NCOA7: variants seen among roughly 807,000 people sequenced by gnomAD.
NCOA7 encodes 140 kDa estrogen receptor-associated protein.
A neutral mutation model predicts 104.3 loss-of-function variants in NCOA7; 45 were observed. The observed-to-expected ratio is 0.43, with a 90% CI of 0.34 to 0.55. The LOEUF is 0.55. Among genes scored for constraint, NCOA7 ranks in the 20% least tolerant of loss-of-function variants. The pLI is 0.02. For missense variants in NCOA7, 1,041 were observed against 1,119.7 expected, an observed-to-expected ratio of 0.93 and a Z score of 1.00; for synonymous variants, 398 against 402.3, an observed-to-expected ratio of 0.99 and a Z score of 0.13.
chr6:125,813,612 G>A (rs1187911493), intron 1 of NCOA7, among the ~76,000 whole-genome samples: 2 of 151,722 alleles, frequency 1.3e-5, no homozygotes, highest in South Asian at 2.1e-4. Flanking sequence ...CACCACGCCC[G>A]GCTAATTTTT....
chr6:125,799,948 G>A (rs1162294826), intron 1 of NCOA7, among the ~76,000 whole-genome samples: 2 of 152,142 alleles, frequency 1.3e-5, no homozygotes, highest in Non-Finnish European at 2.9e-5. Flanking sequence ...AAATCAGAAT[G>A]TTATATCATT....
intron 13 of NCOA7, among the ~76,000 whole-genome samples, chr6:125,924,030 A>G (rs958728391): frequency 6.6e-6 from 1 of 152,226 alleles, no homozygotes; most frequent in Non-Finnish European, 1.5e-5. Flanking sequence ...TTTGCTTAAT[A>G]AAGATCCAAG....
intron 10 of NCOA7, among the ~76,000 whole-genome samples, chr6:125,910,662 T>A (rs1258475879): frequency 6.6e-6 from 1 of 152,204 alleles, no homozygotes; most frequent in African/African-American, 2.4e-5. Context: ...TATGTGAAAA[T>A]GACAAGTTGA....
At chr6:125,926,026 A>C (rs1260476155) in intron 13 of NCOA7, among the ~76,000 whole-genome samples, 1 of 152,124 alleles carries the variant, frequency 6.6e-6, no homozygotes, top group East Asian at 1.9e-4. Flanking sequence ...ATTTTAGCTA[A>C]AAGGCCAGGT....
In NCOA7 at chr6:125,929,468, G is replaced by C. The variant is rs1205428371; in HGVS notation, c.*697G>C. ...TTAAGCAGCATATATCTATATATCTGTATGTGGGTATATAGAGATATATGT... is the reference window on the plus strand; with the variant it reads ...TTAAGCAGCATATATCTATATATCTCTATGTGGGTATATAGAGATATATGT... On this transcript the variant is annotated 3_prime_UTR_variant, in exon 16 of 16. Coordinates refer to ENST00000392477, the MANE Select transcript of NCOA7 (RefSeq NM_181782.5). 6.6e-6 allele frequency: 1 copy of C among 151,790 alleles called. No homozygotes were observed. Among genetic ancestry groups the C allele is most frequent in the Non-Finnish European group, 1.5e-5 (1 of 67,954 alleles). 9.4% of individuals were successfully genotyped at this position (151,790 alleles called of 1,614,324 possible). A position where few individuals can be genotyped will look rare whatever the true frequency, so the allele number is the denominator to read the frequency against.
At chr6:125,874,708 T>A (rs1210196971) in intron 3 of NCOA7, among the ~76,000 whole-genome samples, 181 bp from the exon 4 acceptor site, 1 of 152,222 alleles carries the variant, frequency 6.6e-6, no homozygotes, top group Non-Finnish European at 1.5e-5. Context: ...TTAATATTAA[T>A]CATTTATTCA....
At chr6:125,871,843 A>G (rs558929426) in intron 3 of NCOA7, among the ~76,000 whole-genome samples, 7 of 152,216 alleles carry the variant, frequency 4.6e-5, no homozygotes, top group Admixed American at 3.9e-4. Context: ...AAAAAAATGC[A>G]AAAATTAATC....
chr6:125,930,184 C>T lies in NCOA7; in HGVS notation c.*1413C>T, dbSNP rs1490877347. ...ACCAGTCTGGCCAACATGGTGAAAC[C>T]CCATCTCTACTAAAAGTACAAATAT... On this transcript the variant is annotated 3_prime_UTR_variant, in exon 16 of 16. Coordinates refer to ENST00000392477, the MANE Select transcript of NCOA7 (RefSeq NM_181782.5). 2 of 152,068 alleles carry T rather than the reference C, an allele frequency of 1.3e-5. No homozygotes were observed. Among genetic ancestry groups the T allele is most frequent in the African/African-American group, 4.8e-5 (2 of 41,386 alleles). The allele number at this position is 152,068 out of a possible 1,614,324, so 9.4% of individuals were successfully genotyped here. A position where few individuals can be genotyped will look rare whatever the true frequency, so the allele number is the denominator to read the frequency against.
chr6:125,906,176 G>A (rs1407053329), intron 10 of NCOA7, among the ~76,000 whole-genome samples: 3 of 152,120 alleles, frequency 2.0e-5, no homozygotes, highest in African/African-American at 7.2e-5. Flanking sequence ...CCAGGGAGTG[G>A]GACCCTTAAA....
chr6:125,877,401 A>C (rs2128642938), intron 4 of NCOA7, among the ~76,000 whole-genome samples: 1 of 152,330 alleles, frequency 6.6e-6, no homozygotes, highest in African/African-American at 2.4e-5. Context: ...GTCTTGACCC[A>C]GGGCTATCAA....
At chr6:125,860,325 A>G (rs1392891177) in intron 3 of NCOA7, among the ~76,000 whole-genome samples, 4 of 152,190 alleles carry the variant, frequency 2.6e-5, no homozygotes, top group African/African-American at 9.7e-5. Context: ...TTAAATTGAC[A>G]TGAACTATAT....
intron 10 of NCOA7, among the ~76,000 whole-genome samples, chr6:125,904,647 C>G (rs192561901): frequency 6.6e-6 from 1 of 152,152 alleles, no homozygotes; most frequent in Non-Finnish European, 1.5e-5. Flanking sequence ...CTGGGCTTAC[C>G]TTTGCCATGA....
At chr6:125,837,677 A>G (rs1779741833) in intron 2 of NCOA7, among the ~76,000 whole-genome samples, 1 of 151,984 alleles carries the variant, frequency 6.6e-6, no homozygotes, top group South Asian at 2.1e-4. Flanking sequence ...TTCATTTCCC[A>G]CACCTGTGTT....
At chr6:125,866,434 C>A (rs1782449477) in intron 3 of NCOA7, among the ~76,000 whole-genome samples, 1 of 152,188 alleles carries the variant, frequency 6.6e-6, no homozygotes, top group Non-Finnish European at 1.5e-5. Flanking sequence ...CAAATCTTAG[C>A]CATTATTCAC....
intron 4 of NCOA7, among the ~76,000 whole-genome samples, chr6:125,875,882 G>A (rs1170547774): frequency 6.6e-6 from 1 of 152,112 alleles, no homozygotes; most frequent in Non-Finnish European, 1.5e-5. Context: ...CTAGGTGTGT[G>A]TTCATTACTA....
chr6:125,804,697 A>C (rs575645808), intron 1 of NCOA7, among the ~76,000 whole-genome samples: 7 of 152,342 alleles, frequency 4.6e-5, no homozygotes, highest in South Asian at 4.1e-4. Context: ...TAGAACTATA[A>C]ATTTTTAATT....
intron 3 of NCOA7, chr6:125,855,655 AC>A (rs1305752322): frequency 1.3e-5 from 2 of 150,082 alleles, no homozygotes; most frequent in Non-Finnish European, 2.9e-5. Flanking sequence ...TGTTAAAAAA[AC>A]AAAAACAAAA....
At chr6:125,785,221 G>A (rs1377148908) in intron 1 of NCOA7, among the ~76,000 whole-genome samples, 7 of 151,842 alleles carry the variant, frequency 4.6e-5, no homozygotes, top group Non-Finnish European at 1.0e-4. Context: ...GCCTGTAATC[G>A]CAGCTACTCG....
intron 1 of NCOA7, among the ~76,000 whole-genome samples, chr6:125,814,308 C>G (rs767191175): frequency 1.3e-5 from 2 of 152,184 alleles, no homozygotes; most frequent in African/African-American, 2.4e-5. Flanking sequence ...GCGTGCACCA[C>G]CATGCCTGTC....
Sources: allele counts gnomAD v4.1 joint callset (sites outside exome capture counted in the v4.1 genomes callset), GRCh38; gene constraint gnomAD v4.1.1; transcripts MANE v1.5; gene names NCBI Gene and HGNC (gene_info 2026-07-23, HGNC 2026-07-21).